The following SMAP1 variants were observed in gnomAD, a reference collection of about 807,000 sequenced individuals.
SMAP1 encodes the protein stromal membrane-associated protein 1.
Under a neutral mutation model 58.5 loss-of-function variants are expected in SMAP1, and 24 were observed. The observed-to-expected ratio is 0.41, with a 90% CI of 0.30 to 0.58. The LOEUF is 0.58. Ranked by LOEUF, SMAP1 falls within the 20% of genes least tolerant of loss-of-function variation. The probability of loss-of-function intolerance (pLI) is 0.29; values close to 1 mark genes in which losing one functional copy is unlikely to be tolerated. For synonymous variants in SMAP1, 216 were observed against 196.6 expected (o/e 1.10, Z -0.82); for missense variants, 563 against 566.3 (o/e 0.99, Z 0.06).
At chr6:70,738,369 TC>T (rs1442019832) in intron 2 of SMAP1, among the ~76,000 whole-genome samples, 2 of 151,940 alleles carry the variant, frequency 1.3e-5, no homozygotes, top group East Asian at 3.9e-4. Flanking sequence ...GTGAAAAGAT[TC>T]TCAGGTTAAA....
intron 1 of SMAP1, among the ~76,000 whole-genome samples, chr6:70,707,827 T>C (rs577540747): frequency 6.6e-6 from 1 of 152,216 alleles, no homozygotes; most frequent in Non-Finnish European, 1.5e-5. Context: ...TGGCCAGGCT[T>C]TAAAATTTAT....
At chr6:70,809,099 G>A (rs982354009) in intron 6 of SMAP1, among the ~76,000 whole-genome samples, 4 of 151,968 alleles carry the variant, frequency 2.6e-5, no homozygotes, top group Admixed American at 1.3e-4. Flanking sequence ...GCTTCTTGAC[G>A]TTTTTAAGAG....
At chr6:70,776,207 A>G (rs1767539342) in intron 4 of SMAP1, among the ~76,000 whole-genome samples, 1 of 152,090 alleles carries the variant, frequency 6.6e-6, no homozygotes. Flanking sequence ...TTTTTGAGAC[A>G]GAGTCTCGCT....
At chr6:70,693,894 T>G (rs1767289979) in intron 1 of SMAP1, 1 of 153,068 alleles carries the variant, frequency 6.5e-6, no homozygotes, top group Non-Finnish European at 1.5e-5. Context: ...GATACCCAGC[T>G]TCTCTTAACA....
chr6:70,721,695 A>T (rs1238507279), intron 1 of SMAP1, among the ~76,000 whole-genome samples: 1 of 152,188 alleles, frequency 6.6e-6, no homozygotes, highest in Non-Finnish European at 1.5e-5. Context: ...GTTTAATTGG[A>T]CTTACAGTTC....
chr6:70,843,646 C>T (rs919959484), intron 7 of SMAP1, among the ~76,000 whole-genome samples: 2 of 152,108 alleles, frequency 1.3e-5, no homozygotes, highest in African/African-American at 2.4e-5. Context: ...GTGCTATACA[C>T]GAAATAGACA....
At chr6:70,788,008 TA>T (rs1768143870) in intron 4 of SMAP1, among the ~76,000 whole-genome samples, 1 of 152,124 alleles carries the variant, frequency 6.6e-6, no homozygotes, top group Non-Finnish European at 1.5e-5. Flanking sequence ...CACGTATGTT[TA>T]TTGTGGCACT....
chr6:70,792,400 G>T (rs573828179), intron 5 of SMAP1, among the ~76,000 whole-genome samples: 3 of 144,914 alleles, frequency 2.1e-5, no homozygotes, highest in African/African-American at 7.7e-5. Context: ...ATTTTTTCCC[G>T]TAGACATGGG....
intron 1 of SMAP1, among the ~76,000 whole-genome samples, chr6:70,674,185 T>C (rs1182869752): frequency 6.6e-6 from 1 of 151,918 alleles, no homozygotes; most frequent in African/African-American, 2.4e-5. Context: ...CGATGTAGGC[T>C]CTCTGCAACC....
At chr6:70,792,314 G>T (rs1014440096) in intron 5 of SMAP1, among the ~76,000 whole-genome samples, 2 of 135,728 alleles carry the variant, frequency 1.5e-5, no homozygotes, top group Non-Finnish European at 3.2e-5. Flanking sequence ...CATTTCTTTT[G>T]ACTCTTTACC....
chr6:70,845,919 G>T (rs1770970583), intron 7 of SMAP1, among the ~76,000 whole-genome samples: 1 of 152,160 alleles, frequency 6.6e-6, no homozygotes, highest in Non-Finnish European at 1.5e-5. Flanking sequence ...GGAAGCCCTG[G>T]TGTAGGGATT....
intron 7 of SMAP1, chr6:70,837,860 A>C: frequency 7.9e-7 from 1 of 1,260,720 alleles, no homozygotes; most frequent in Non-Finnish European, 1.0e-6. Context: ...ACTGCTTTCC[A>C]AAAAATTGAT....
At chr6:70,765,439 T>G (rs1043954859) in intron 3 of SMAP1, among the ~76,000 whole-genome samples, 1 of 152,164 alleles carries the variant, frequency 6.6e-6, no homozygotes, top group Non-Finnish European at 1.5e-5. Context: ...TAAATGTGAG[T>G]TATATACATA....
chr6:70,829,588 C>T (rs1770277881), intron 6 of SMAP1, among the ~76,000 whole-genome samples: 1 of 152,318 alleles, frequency 6.6e-6, no homozygotes, highest in South Asian at 2.1e-4. Context: ...ACGATAGCCA[C>T]TTACGGAGCC....
At chr6:70,769,121 C>A (rs4410689) in intron 3 of SMAP1, among the ~76,000 whole-genome samples, 1 of 151,848 alleles carries the variant, frequency 6.6e-6, no homozygotes, top group Non-Finnish European at 1.5e-5. Context: ...AGAGACAGTT[C>A]GTTATAATTT....
chr6:70,765,877 T>A (rs1427924103), intron 3 of SMAP1, among the ~76,000 whole-genome samples: 2 of 151,684 alleles, frequency 1.3e-5, no homozygotes, highest in African/African-American at 4.8e-5. Flanking sequence ...GTATATCTCC[T>A]AAAGCTATCC....
At chr6:70,725,102 T>G (rs1302353084) in intron 1 of SMAP1, among the ~76,000 whole-genome samples, 1 of 37,562 alleles carries the variant, frequency 2.7e-5, no homozygotes, top group Non-Finnish European at 5.2e-5. Flanking sequence ...TGTTTTTTTT[T>G]TTTTTTTTTT....
intron 2 of SMAP1, among the ~76,000 whole-genome samples, chr6:70,745,637 G>A (rs1200568703): frequency 6.6e-6 from 1 of 152,138 alleles, no homozygotes; most frequent in Non-Finnish European, 1.5e-5. Context: ...TTTTTGCTTA[G>A]GATTGTCTTG....
Position 70,682,090 on chromosome 6 carries a change from G to T in SMAP1, c.118+13949G>T, listed in dbSNP as rs1466330657. On this transcript the variant is annotated intron_variant, in intron 1 of 10. Transcript: ENST00000370455. ...GTAAGATGGGTCTGAAATGTGAGGGGACAATTAGTTGATGAAGTCATTTGC... is the reference window on the plus strand; with the variant it reads ...GTAAGATGGGTCTGAAATGTGAGGGTACAATTAGTTGATGAAGTCATTTGC... 1.1e-4 allele frequency among the ~76,000 whole-genome samples: 17 copies of T among 151,756 alleles called. 1 individual carries two copies. The highest frequency in any genetic ancestry group is 2.9e-5 in the Non-Finnish European group (2 of 67,956).
Sources: gnomAD v4.1 joint callset for allele counts (sites outside exome capture counted in the v4.1 genomes callset) on GRCh38, gnomAD v4.1.1 for gene constraint, MANE v1.5 for transcripts, NCBI Gene and HGNC (gene_info 2026-07-23, HGNC 2026-07-21) for gene names.